Variants in SETMAR observed in about 807,000 individuals in gnomAD.
SETMAR encodes the protein SET and mariner transposase domain methyltransferase, also known as histone-lysine N-methyltransferase SETMAR.
In SETMAR, 44 loss-of-function variants were observed where a neutral mutation model predicts 58.4. That is an observed-to-expected ratio of 0.75 (90% CI 0.59 to 0.97). The LOEUF is 0.97. Ranked by LOEUF, SETMAR falls within the 50% of genes least tolerant of loss-of-function variation. SETMAR has a pLI of 0.00. For synonymous variants in SETMAR, 332 were observed against 307.4 expected (o/e 1.08, Z -0.84); for missense variants, 903 against 840.2 (o/e 1.07, Z -0.92).
At chr3:4,303,856 G>A (rs1185019719) in intron 1 of SETMAR, 1 of 1,320,010 alleles carries the variant, frequency 7.6e-7, no homozygotes, top group East Asian at 5.2e-5. Context: ...CTGGTCTCAG[G>A]TGTCTCTCAC....
At chr3:4,308,414 TGTAAA>T (rs571294250) in intron 1 of SETMAR, among the ~76,000 whole-genome samples, 71 of 152,328 alleles carry the variant, frequency 4.7e-4, no homozygotes, top group South Asian at 8.3e-4. Context: ...TGTTTAGTAA[TGTAAA>T]GTAATTTGCC....
Position 4,312,966 on chromosome 3 carries a change from C to T in SETMAR, c.225C>T (p.Cys75=). 6.2e-7 allele frequency: 1 copy of T among 1,613,966 alleles called. No individual in the cohort carries two copies. Among genetic ancestry groups the T allele is most frequent in the Non-Finnish European group, 8.5e-7 (1 of 1,179,900 alleles). The change falls in exon 2 of 3, where the codon TGC becomes TGT. Residue 75 remains cysteine (C), a synonymous_variant. Transcript: ENST00000358065. ...IDPTQITFPG[C]ICVKTPCLPG... ...CCACTCAAATAACCTTTCCCGGATG[C>T]ATTTGTGTCAAAACTCCCTGCCTCC...
chr3:4,315,317 T>C (rs191329592), intron 2 of SETMAR, among the ~76,000 whole-genome samples: 178 of 152,334 alleles, frequency 1.2e-3, no homozygotes, highest in South Asian at 2.3e-3. Context: ...TGGAAGTGGT[T>C]AGAAGGAAAA....
Position 4,313,305 on chromosome 3 carries a change from C to T in SETMAR, c.564C>T (p.Ser188=), listed in dbSNP as rs751849841. 151 of 1,613,798 alleles carry T rather than the reference C, an allele frequency of 9.4e-5. No homozygotes were observed. Among genetic ancestry groups the T allele is most frequent in the Non-Finnish European group, 1.1e-4 (130 of 1,179,960 alleles). Residue 188 remains serine (S), a synonymous_variant, in exon 2 of 3, where the codon TCC becomes TCT. Coordinates refer to ENST00000358065, the MANE Select transcript of SETMAR (RefSeq NM_006515.4). The part of the protein sequence containing the change: ...VQRRIHLQTK[S]DSNYIIAIRE... Reference sequence around the variant, plus strand: ...GAAGAATTCACTTACAAACAAAATCCGACTCCAATTACATTATAGCCATCA... The same window carrying T: ...GAAGAATTCACTTACAAACAAAATCTGACTCCAATTACATTATAGCCATCA...
chr3:4,313,286 T>A lies in SETMAR; in HGVS notation c.545T>A (p.Ile182Asn). Residue 182 changes from isoleucine to asparagine, a missense_variant, in exon 2 of 3, where the codon ATT becomes AAT. Physicochemically the swap from Ile to Asn is moderately radical, Grantham distance 149. Coordinates refer to ENST00000358065, the MANE Select transcript of SETMAR (RefSeq NM_006515.4). ...GGATTCTCTGAAGTTCAGAGAAGAA[T>A]TCACTTACAAACAAAATCCGACTCC... is the stretch of plus-strand genomic sequence containing the variant. ...VLGFSEVQRR[I>N]HLQTKSDSNY... is the part of the protein sequence containing the mutation. 6.2e-7 allele frequency: 1 copy of A among 1,613,958 alleles called. No individual in the cohort carries two copies. Among genetic ancestry groups the A allele is most frequent in the Non-Finnish European group, 8.5e-7 (1 of 1,179,928 alleles).
At chr3:4,307,643 G>A (rs1033344877) in intron 1 of SETMAR, among the ~76,000 whole-genome samples, 2 of 152,106 alleles carry the variant, frequency 1.3e-5, no homozygotes, top group African/African-American at 2.4e-5. Context: ...TCATTTTGCC[G>A]TGATTGTTTT....
At chr3:4,316,069 G>C in intron 2 of SETMAR, 143 bp from the exon 3 acceptor site, 1 of 353,536 alleles carries the variant, frequency 2.8e-6, no homozygotes, top group Non-Finnish European at 5.1e-6. Context: ...AAAAAAAAAA[G>C]TAACAGTTTT....
intron 2 of SETMAR, among the ~76,000 whole-genome samples, chr3:4,315,168 C>T (rs1698585969): frequency 6.6e-6 from 1 of 152,156 alleles, no homozygotes; most frequent in Non-Finnish European, 1.5e-5. Flanking sequence ...AATCATTTCT[C>T]CATGCCAACT....
chr3:4,310,172 A>G (rs771201548), intron 1 of SETMAR, among the ~76,000 whole-genome samples: 7 of 152,212 alleles, frequency 4.6e-5, no homozygotes, highest in Non-Finnish European at 7.3e-5. Context: ...TCTGACCAAA[A>G]AGTCATTATG....
Position 4,303,385 on chromosome 3 carries a change from G to T in SETMAR, c.15G>T (p.Ala5=). Residue 5 remains alanine (A), a synonymous_variant, in exon 1 of 3, where the codon GCG becomes GCT. Coordinates refer to ENST00000358065, the MANE Select transcript of SETMAR (RefSeq NM_006515.4). MFAE[A]AKTTRPCGMA... ...GAGGCGGGTAAATGTTCGCGGAAGC[G>T]GCAAAGACGACACGGCCTTGTGGGA... 6.4e-7 allele frequency: 1 copy of T among 1,555,116 alleles called. No individual in the cohort carries two copies. The highest frequency in any genetic ancestry group is 8.7e-7 in the Non-Finnish European group (1 of 1,154,454).
At chr3:4,310,738 GA>G (rs1395136853) in intron 1 of SETMAR, among the ~76,000 whole-genome samples, 1 of 151,904 alleles carries the variant, frequency 6.6e-6, no homozygotes, top group African/African-American at 2.4e-5. Context: ...TTCCTGATTA[GA>G]AAACTGCAGT....
rs1385161550 is a variant in SETMAR at position 4,316,409 on chromosome 3, T to C, written c.1218T>C (p.Ser406=). The C allele has an allele frequency of 1.3e-6, 2 of 1,579,976 alleles. No individual in the cohort carries two copies. Among genetic ancestry groups the C allele is most frequent in the Non-Finnish European group, 1.7e-6 (2 of 1,162,920 alleles). ...AGAGCCTTGAAGATGAGGAGCGTAG[T>C]GGCCGGCCATCAGAAGTTGACAACG... ...GDESLEDEER[S]GRPSEVDNDQ... Residue 406 remains serine, a synonymous_variant, in exon 3 of 3, where the codon AGT becomes AGC. Transcript: ENST00000358065.
chr3:4,313,971 A>G, intron 2 of SETMAR: 1 of 914,270 alleles, frequency 1.1e-6, no homozygotes, highest in South Asian at 1.8e-5. Context: ...TCCTAGTTAG[A>G]TTTGTCTTAG....
At chr3:4,306,559 T>C (rs1698199307) in intron 1 of SETMAR, among the ~76,000 whole-genome samples, 1 of 152,170 alleles carries the variant, frequency 6.6e-6, no homozygotes, top group Non-Finnish European at 1.5e-5. Flanking sequence ...GTTACAAAAA[T>C]AAGACAGGAT....
rs760566227 is a variant in SETMAR, at chr3:4,317,004, T to C, written c.1813T>C (p.Leu605=). The change falls in exon 3 of 3, where the codon TTG becomes CTG. Residue 605 remains leucine (L), a synonymous_variant. Coordinates refer to ENST00000358065, the MANE Select transcript of SETMAR (RefSeq NM_006515.4). ...AQPTLQKLNE[L]GYEVLPHPPY... is the part of the protein sequence containing the mutation. Reference sequence around the variant, plus strand: ...ACCCACACTTCAAAAGTTGAATGAATTGGGCTATGAAGTTTTGCCTCATCC... The same window carrying C: ...ACCCACACTTCAAAAGTTGAATGAACTGGGCTATGAAGTTTTGCCTCATCC... 6.5e-7 allele frequency: 1 copy of C among 1,549,420 alleles called. No individual in the cohort carries two copies. Among genetic ancestry groups the C allele is most frequent in the South Asian group, 1.2e-5 (1 of 83,972 alleles).
At chr3:4,309,355 G>A (rs1290618991) in intron 1 of SETMAR, among the ~76,000 whole-genome samples, 7 of 152,168 alleles carry the variant, frequency 4.6e-5, no homozygotes, top group Non-Finnish European at 1.0e-4. Flanking sequence ...CCCTTGCTGA[G>A]AGGAGGGGTC....
rs1698703235 is a variant in SETMAR at position 4,317,244 on chromosome 3, T to G, written c.2053T>G (p.Ter685GluextTer1). The G allele has an allele frequency of 1.4e-5, 22 of 1,528,820 alleles. No individual in the cohort carries two copies. The highest frequency in any genetic ancestry group is 1.8e-5 in the Non-Finnish European group (21 of 1,137,174). The allele number at this position is 1,528,820 out of a possible 1,614,324, so 94.7% of individuals were successfully genotyped here. Residue 685 changes from the stop codon to glutamate, a stop_lost, in exon 3 of 3, where the codon TAA becomes GAA. Transcript: ENST00000358065. The stretch of plus-strand genomic sequence containing the variant: ...TGATTGTAATGGTTCCTATTTTGAT[T>G]AATAAAAATGCGTTGAGCCTAGTTA... Reference protein sequence around the residue: ...CVDCNGSYFD* With the variant: ...CVDCNGSYFDE
chr3:4,308,511 C>G (rs2125084319), intron 1 of SETMAR, among the ~76,000 whole-genome samples: 1 of 152,262 alleles, frequency 6.6e-6, no homozygotes, highest in South Asian at 2.1e-4. Flanking sequence ...TATAAAGTGC[C>G]TGACATGGAG....
At chr3:4,307,237 C>G (rs918653543) in intron 1 of SETMAR, among the ~76,000 whole-genome samples, 5 of 152,182 alleles carry the variant, frequency 3.3e-5, no homozygotes, top group African/African-American at 9.7e-5. Context: ...GAATGTGATT[C>G]AGAAAAGTCA....
Sources: gnomAD v4.1 joint callset for allele counts (sites outside exome capture counted in the v4.1 genomes callset) on GRCh38, gnomAD v4.1.1 for gene constraint, MANE v1.5 for transcripts, NCBI Gene and HGNC (gene_info 2026-07-23, HGNC 2026-07-21) for gene names.